The following CENPH variants were observed in gnomAD, a reference collection of about 807,000 sequenced individuals.
CENPH encodes the protein centromere protein H, also known as CENP-H.
CENPH carries 40 observed loss-of-function variants against 42.9 expected under a neutral mutation model. The observed-to-expected ratio is 0.93, with a 90% CI of 0.72 to 1.21. The LOEUF is 1.21. Among genes scored for constraint, CENPH ranks in the 50% most tolerant of loss-of-function variants. The probability of loss-of-function intolerance (pLI) is 0.00; values close to 1 mark genes in which losing one functional copy is unlikely to be tolerated. For synonymous variants in CENPH, 88 were observed against 96.5 expected, an observed-to-expected ratio of 0.91 and a Z score of 0.52; for missense variants, 302 against 292.9, an observed-to-expected ratio of 1.03 and a Z score of -0.23.
chr5:69,200,752 T>C (rs937318920), intron 5 of CENPH, among the ~76,000 whole-genome samples: 4 of 117,512 alleles, frequency 3.4e-5, no homozygotes, highest in Admixed American at 9.4e-5. Context: ...TTTTTTTTTT[T>C]TGAGACGGAA....
chr5:69,191,770 T>TTATATTCTCTTTATCTG, intron 1 of CENPH, 25 bp from the exon 2 acceptor site: 4 of 1,431,550 alleles, frequency 2.8e-6, no homozygotes, highest in Non-Finnish European at 3.9e-6. Flanking sequence ...ATATGTGACT[T>TTATATTCTCTTTATCTG]TATATTCTCT....
chr5:69,202,683 G>C (rs1408846163), intron 6 of CENPH, 114 bp downstream of exon 6: 1 of 718,824 alleles, frequency 1.4e-6, no homozygotes, highest in Non-Finnish European at 2.4e-6. Flanking sequence ...GCTATGATTG[G>C]AATTCGCTGT....
intron 1 of CENPH, among the ~76,000 whole-genome samples, 193 bp downstream of exon 1, chr5:69,189,961 G>A (rs1747839585): frequency 6.6e-6 from 1 of 152,180 alleles, no homozygotes; most frequent in African/African-American, 2.4e-5. Context: ...CTGGAGAGAG[G>A]TTACAAGGGT....
At chr5:69,200,123 A>C (rs891794295) in intron 5 of CENPH, among the ~76,000 whole-genome samples, 6 of 151,824 alleles carry the variant, frequency 4.0e-5, no homozygotes, top group East Asian at 3.9e-4. Context: ...AAAAAAAAAA[A>C]AAAAAAAAAA....
Position 69,208,109 on chromosome 5 carries a change from C to T in CENPH, c.488-87C>T. The T allele has an allele frequency of 6.0e-6, 4 of 662,548 alleles. No homozygotes were observed. The South Asian group carries it at 1.4e-4, about 24-fold the overall frequency. 41.0% of individuals were successfully genotyped at this position (662,548 alleles called of 1,614,324 possible). ...AAATTTTTCTCTTGACTAAAATAAC[C>T]AAGAAGTGATCTGCTTCATAATTTT... is the stretch of plus-strand genomic sequence containing the variant. On this transcript the variant is annotated intron_variant, in intron 7 of 8. Transcript: ENST00000283006.
intron 4 of CENPH, among the ~76,000 whole-genome samples, chr5:69,196,247 C>T (rs1487695640): frequency 1.3e-5 from 2 of 152,152 alleles, no homozygotes; most frequent in Non-Finnish European, 2.9e-5. Context: ...ATTTTGAGCC[C>T]TGAGAGAAAA....
chr5:69,196,487 A>C (rs1355293970), intron 4 of CENPH, among the ~76,000 whole-genome samples: 1 of 152,152 alleles, frequency 6.6e-6, no homozygotes, highest in African/African-American at 2.4e-5. Context: ...TCTACTAAAA[A>C]TACAAAAATT....
At chr5:69,196,837 A>G (rs1010035548) in intron 4 of CENPH, among the ~76,000 whole-genome samples, 2 of 152,122 alleles carry the variant, frequency 1.3e-5, no homozygotes, top group African/African-American at 4.8e-5. Flanking sequence ...TCATTCTGGC[A>G]GTGTATACCC....
At chr5:69,194,845 C>A in intron 3 of CENPH, 150 bp downstream of exon 3, 2 of 471,200 alleles carry the variant, frequency 4.2e-6, no homozygotes, top group Non-Finnish European at 7.6e-6. Context: ...CTCCTGGGCT[C>A]AAGGGATCCA....
chr5:69,201,676 T>C (rs923310459), intron 5 of CENPH, among the ~76,000 whole-genome samples: 1 of 152,086 alleles, frequency 6.6e-6, no homozygotes, highest in East Asian at 1.9e-4. Flanking sequence ...CTGGGCAACA[T>C]AGGGAGACCC....
intron 7 of CENPH, chr5:69,207,674 T>A (rs1463588244): frequency 6.6e-6 from 1 of 150,520 alleles, no homozygotes; most frequent in Admixed American, 6.6e-5. Context: ...CCAGGTGTGG[T>A]GGTGGGCGCC....
rs926351077 is a variant in CENPH, at chr5:69,189,640, G to A, written c.6G>A (p.Glu2=). 6.2e-7 allele frequency: 1 copy of A among 1,601,314 alleles called. No individual in the cohort carries two copies. The highest frequency in any genetic ancestry group is 8.5e-7 in the Non-Finnish European group (1 of 1,176,336). ...GCCTTTCCCCTCAACCAGCAATGGAGGAGCAGCCCCAGATGCAAGACGCCG... is the reference window on the plus strand; with the variant it reads ...GCCTTTCCCCTCAACCAGCAATGGAAGAGCAGCCCCAGATGCAAGACGCCG... M[E]EQPQMQDADE... is the part of the protein sequence containing the mutation. The change falls in exon 1 of 9, where the codon GAG becomes GAA. Residue 2 remains glutamate (E), a synonymous_variant. Coordinates refer to ENST00000283006, the MANE Select transcript of CENPH (RefSeq NM_022909.4).
At chr5:69,201,969 C>T (rs1268890495) in intron 5 of CENPH, among the ~76,000 whole-genome samples, 2 of 152,126 alleles carry the variant, frequency 1.3e-5, no homozygotes, top group Admixed American at 1.3e-4. Context: ...ACAAATGTGC[C>T]ACTTTGGTGT....
intron 2 of CENPH, among the ~76,000 whole-genome samples, chr5:69,193,662 T>TG (rs1747916483): frequency 6.9e-6 from 1 of 144,726 alleles, no homozygotes; most frequent in South Asian, 2.1e-4. Context: ...TTGTTTTTTC[T>TG]GTTTTTTTTT....
chr5:69,197,125 TC>T lies in CENPH; in HGVS notation c.371+17del. On this transcript the variant is annotated intron_variant, in intron 5 of 8. Coordinates refer to ENST00000283006, the MANE Select transcript of CENPH (RefSeq NM_022909.4). ...GACAGTCTAGGTATGATTTTTTTTT[TC>T]TCTGGATTCGGTAAGGATGGGATCT... is the stretch of plus-strand genomic sequence containing the variant. 3.3e-6 allele frequency: 5 copies of T among 1,523,096 alleles called. No individual in the cohort carries two copies. The highest frequency in any genetic ancestry group is 3.5e-6 in the Non-Finnish European group (4 of 1,134,046). 94.3% of individuals were successfully genotyped at this position (1,523,096 alleles called of 1,614,324 possible). A position where few individuals can be genotyped will look rare whatever the true frequency, so the allele number is the denominator to read the frequency against.
rs566390032 is a variant in CENPH, at chr5:69,197,183, A to C, written c.371+74A>C. On this transcript the variant is annotated intron_variant, in intron 5 of 8. Transcript: ENST00000283006. Reference sequence around the variant, plus strand: ...TGACTTTAGTTTTGTGAATTTTAAAAAATTATTACTGCCAACTACCTTTGT... The same window carrying C: ...TGACTTTAGTTTTGTGAATTTTAAACAATTATTACTGCCAACTACCTTTGT... 16 of 913,936 alleles carry C rather than the reference A, an allele frequency of 1.8e-5. 1 individual carries two copies. In the South Asian group the frequency reaches 3.5e-4, roughly 20 times the overall value. The allele number at this position is 913,936 out of a possible 1,614,324, so 56.6% of individuals were successfully genotyped here. A position where few individuals can be genotyped will look rare whatever the true frequency, so the allele number is the denominator to read the frequency against.
chr5:69,195,717 TA>T lies in CENPH; in HGVS notation c.244del (p.Ile82LeufsTer11). The T allele has an allele frequency of 6.5e-7, 1 of 1,539,710 alleles. No individual in the cohort carries two copies. Among genetic ancestry groups the T allele is most frequent in the Non-Finnish European group, 8.9e-7 (1 of 1,124,126 alleles). On this transcript the variant is annotated frameshift_variant and splice_region_variant, in exon 4 of 9. Coordinates refer to ENST00000283006, the MANE Select transcript of CENPH (RefSeq NM_022909.4). LOFTEE classifies it high-confidence loss of function. ...QIMQEKQIEA[K>X]IEDLENEIEE... ...TCTTTTGCTCATGTTTCTTTGATAG[TA>T]AAATTGAAGACCTGGAAAATGAAAT...
chr5:69,201,847 G>GTGCACTCC (rs1211467215), intron 5 of CENPH, among the ~76,000 whole-genome samples: 1 of 152,196 alleles, frequency 6.6e-6, no homozygotes, highest in Non-Finnish European at 1.5e-5. Flanking sequence ...GGCAGAGCGA[G>GTGCACTCC]ACCCTGTCAC....
chr5:69,199,595 A>T (rs1748025522), intron 5 of CENPH, among the ~76,000 whole-genome samples: 1 of 152,160 alleles, frequency 6.6e-6, no homozygotes. Context: ...ATGATGGGTG[A>T]GGGGTCTGAT....
Sources: gnomAD v4.1 joint callset for allele counts (sites outside exome capture counted in the v4.1 genomes callset) on GRCh38, gnomAD v4.1.1 for gene constraint, MANE v1.5 for transcripts, NCBI Gene and HGNC (gene_info 2026-07-23, HGNC 2026-07-21) for gene names.